The following SARNP variants were observed in gnomAD, a reference collection of about 807,000 sequenced individuals.
SARNP encodes SAP domain-containing ribonucleoprotein.
A neutral mutation model predicts 38.1 loss-of-function variants in SARNP; 5 were observed. The observed-to-expected ratio is 0.13, with a 90% CI of 0.07 to 0.28. The LOEUF is 0.28. SARNP is among the 10% of genes least tolerant of loss of function. SARNP has a pLI of 1.00. For missense variants in SARNP, 180 were observed against 243.9 expected (o/e 0.74, Z 1.75); for synonymous variants, 84 against 80.6 (o/e 1.04, Z -0.23).
chr12:55,803,353 G>A (rs1363106931), intron 2 of SARNP, among the ~76,000 whole-genome samples: 21 of 151,902 alleles, frequency 1.4e-4, no homozygotes, highest in Admixed American at 1.4e-3. Context: ...GCATGGTGGT[G>A]CTCGCCTGTA....
chr12:55,811,177 T>C (rs1880317189), intron 1 of SARNP, among the ~76,000 whole-genome samples: 1 of 152,124 alleles, frequency 6.6e-6, no homozygotes, highest in South Asian at 2.1e-4. Flanking sequence ...CTATAACATA[T>C]ATGATGGGAA....
chr12:55,754,187 T>A (rs1303066312), downstream of SARNP: 1 of 152,210 alleles, frequency 6.6e-6, no homozygotes, highest in African/African-American at 2.4e-5. Context: ...CATATCCACA[T>A]CTACCCCTAA....
chr12:55,799,242 C>T (rs1879907745), intron 4 of SARNP, among the ~76,000 whole-genome samples: 2 of 152,300 alleles, frequency 1.3e-5, no homozygotes, highest in South Asian at 4.1e-4. Context: ...CTTGTAAATA[C>T]ACTGCCTTTT....
intron 9 of SARNP, among the ~76,000 whole-genome samples, chr12:55,776,030 TC>T (rs770345840): frequency 7.9e-5 from 12 of 152,122 alleles, no homozygotes; most frequent in Non-Finnish European, 1.6e-4. Context: ...CTTTATTTCC[TC>T]CCATACAGAC....
chr12:55,809,841 T>C (rs1880273561), intron 1 of SARNP, among the ~76,000 whole-genome samples: 1 of 152,128 alleles, frequency 6.6e-6, no homozygotes, highest in South Asian at 2.1e-4. Context: ...GTATAATGTG[T>C]ATAAACAAGA....
At chr12:55,787,003 G>C (rs1022626907) in intron 9 of SARNP, among the ~76,000 whole-genome samples, 4 of 152,074 alleles carry the variant, frequency 2.6e-5, no homozygotes, top group Non-Finnish European at 5.9e-5. Flanking sequence ...GCTGAGGCAG[G>C]AGGATGGCTT....
intron 9 of SARNP, among the ~76,000 whole-genome samples, chr12:55,772,788 C>T (rs1879047241): frequency 6.7e-6 from 1 of 148,740 alleles, no homozygotes; most frequent in South Asian, 2.1e-4. Flanking sequence ...GATCTCAGCT[C>T]ACCACAACCT....
intron 2 of SARNP, among the ~76,000 whole-genome samples, chr12:55,803,145 C>T (rs756995277): frequency 2.6e-5 from 4 of 151,864 alleles, no homozygotes; most frequent in Non-Finnish European, 4.4e-5. Flanking sequence ...AAAGGGAATA[C>T]GTAAATAAAA....
intron 9 of SARNP, among the ~76,000 whole-genome samples, chr12:55,776,799 G>C (rs980617645): frequency 2.0e-5 from 3 of 152,140 alleles, no homozygotes; most frequent in African/African-American, 7.2e-5. Context: ...TATGTACTAA[G>C]AGTGGTACTT....
chr12:55,810,601 CACCACCA>C (rs1360952338), intron 1 of SARNP, among the ~76,000 whole-genome samples: 1 of 151,772 alleles, frequency 6.6e-6, no homozygotes, highest in Non-Finnish European at 1.5e-5. Flanking sequence ...TACAGGCGTG[CACCACCA>C]TGCCCAGCTA....
chr12:55,785,147 T>G (rs1175146265), intron 9 of SARNP, among the ~76,000 whole-genome samples: 1 of 152,188 alleles, frequency 6.6e-6, no homozygotes, highest in Non-Finnish European at 1.5e-5. Flanking sequence ...AAACTAGTTT[T>G]TTGCCACAGA....
intron 10 of SARNP, among the ~76,000 whole-genome samples, chr12:55,760,115 C>A (rs142382152): frequency 3.2e-4 from 49 of 152,310 alleles, no homozygotes; most frequent in African/African-American, 1.1e-3. Flanking sequence ...GACTCTAACA[C>A]TGAATTAAGT....
chr12:55,810,114 C>A (rs1880281485), intron 1 of SARNP, among the ~76,000 whole-genome samples: 1 of 152,050 alleles, frequency 6.6e-6, no homozygotes, highest in African/African-American at 2.4e-5. Flanking sequence ...CCTGTGATTT[C>A]TATTTATTTT....
intron 9 of SARNP, among the ~76,000 whole-genome samples, chr12:55,781,967 G>C (rs1879352735): frequency 6.6e-6 from 1 of 152,156 alleles, no homozygotes; most frequent in African/African-American, 2.4e-5. Flanking sequence ...TAAAGTACTG[G>C]AGCTAGGATT....
chr12:55,767,365 G>A (rs1200440888), intron 9 of SARNP, among the ~76,000 whole-genome samples: 6 of 151,274 alleles, frequency 4.0e-5, no homozygotes, highest in Non-Finnish European at 8.8e-5. Context: ...GGGCAACATA[G>A]TGAGACCCCA....
At chr12:55,771,913 G>T (rs907309102) in intron 9 of SARNP, among the ~76,000 whole-genome samples, 15 of 152,108 alleles carry the variant, frequency 9.9e-5, no homozygotes, top group African/African-American at 3.6e-4. Context: ...AGAGGTAAAG[G>T]TTATGAAACA....
In SARNP at chr12:55,797,814, GA is replaced by G. The variant is rs1361193264; in HGVS notation, c.252-1739del. Among the ~76,000 whole-genome samples, 4 of 152,108 alleles carry G rather than the reference GA, an allele frequency of 2.6e-5. No homozygotes were observed. In the East Asian group the frequency reaches 5.8e-4, roughly 22 times the overall value. ...CCCAATCACATAAACAACATTCCCT[GA>G]AATACAGAGACCCAGAATCTTTTTG... On this transcript the variant is annotated intron_variant, in intron 4 of 10. Transcript: ENST00000336133.
chr12:55,768,066 TCAGTC>T (rs1421285297), intron 9 of SARNP, among the ~76,000 whole-genome samples: 1 of 151,984 alleles, frequency 6.6e-6, no homozygotes, highest in Non-Finnish European at 1.5e-5. Context: ...CTGGACAAAA[TCAGTC>T]TTCTCCACAA....
At chr12:55,763,871 G>A (rs936279677) in intron 9 of SARNP, among the ~76,000 whole-genome samples, 1 of 152,084 alleles carries the variant, frequency 6.6e-6, no homozygotes. Context: ...CAAATAATAC[G>A]AGGATTGGAA....
Sources: allele counts gnomAD v4.1 joint callset (sites outside exome capture counted in the v4.1 genomes callset), GRCh38; gene constraint gnomAD v4.1.1; transcripts MANE v1.5; gene names NCBI Gene and HGNC (gene_info 2026-07-23, HGNC 2026-07-21).